Variants in TCF25 observed in about 807,000 individuals in gnomAD.
The protein encoded by TCF25 is ribosome quality control complex subunit TCF25.
Under a neutral mutation model 83.1 loss-of-function variants are expected in TCF25, and 41 were observed. The ratio of observed to expected loss-of-function variants is 0.49; its 90% CI spans 0.38 to 0.64. TCF25 has a LOEUF of 0.64. Ranked by LOEUF, TCF25 falls within the 30% of genes least tolerant of loss-of-function variation. The pLI, the probability that TCF25 is intolerant of heterozygous loss-of-function variation, is 0.00. For missense variants in TCF25, 979 were observed against 914.5 expected, an observed-to-expected ratio of 1.07 and a Z score of -0.91; for synonymous variants, 458 against 365.0, an observed-to-expected ratio of 1.25 and a Z score of -2.90.
In TCF25 at chr16:89,887,674, C is replaced by G; in HGVS notation, c.571C>G (p.Leu191Val). ...CAGACACTTGAATCCAGACACAGAACTGAAAAGGTATTTTGGTGCCCGGGC... is the reference window on the plus strand; with the variant it reads ...CAGACACTTGAATCCAGACACAGAAGTGAAAAGGTATTTTGGTGCCCGGGC... The part of the protein sequence containing the change: ...EHRHLNPDTE[L>V]KRYFGARAIL... Residue 191 changes from leucine (L) to valine (V), a missense_variant, in exon 5 of 18, where the codon CTG becomes GTG. By Grantham distance (32) the Leu-to-Val change is conservative. Transcript: ENST00000263346. 4 of 1,590,550 alleles carry G rather than the reference C, an allele frequency of 2.5e-6. No homozygotes were observed. Among genetic ancestry groups the G allele is most frequent in the Non-Finnish European group, 3.4e-6 (4 of 1,172,980 alleles).
At chr16:89,904,097 G>C (rs1391012944) in intron 12 of TCF25, 21 bp from the exon 13 acceptor site, 8 of 1,596,864 alleles carry the variant, frequency 5.0e-6, no homozygotes, top group Non-Finnish European at 6.0e-6. Context: ...GGCCCCCACA[G>C]AGCCTCCGCT....
intron 9 of TCF25, 128 bp from the exon 10 acceptor site, chr16:89,898,429 G>C (rs543844075): frequency 2.7e-4 from 226 of 834,582 alleles, no homozygotes; most frequent in Admixed American, 5.5e-4. Context: ...AGTGTGTGGG[G>C]TGGAATGGGT....
chr16:89,883,454 G>A lies in TCF25; in HGVS notation c.296G>A (p.Arg99His), dbSNP rs776780031. The A allele has an allele frequency of 5.0e-6, 8 of 1,613,818 alleles. No homozygotes were observed. The highest frequency in any genetic ancestry group is 2.7e-5 in the African/African-American group (2 of 74,894). ...CCAGGGAACAAAGGAAGGGGTCAGC[G>A]TGGAAACACAGAGAGCAAGACGGAT... ...VAPGNKGRGQ[R>H]GNTESKTDGD... The change falls in exon 2 of 18, where the codon CGT (arginine) becomes CAT (histidine). Residue 99 changes from arginine (R) to histidine (H), a missense_variant. Transcript: ENST00000263346.
chr16:89,910,770 A>G, intron 17 of TCF25, 107 bp downstream of exon 17: 2 of 1,306,920 alleles, frequency 1.5e-6, no homozygotes, highest in Admixed American at 1.8e-5. Context: ...CAGCCGGCAC[A>G]GGGAGCAGGG....
intron 1 of TCF25, among the ~76,000 whole-genome samples, 164 bp from the exon 2 acceptor site, chr16:89,883,187 G>T (rs2042735143): frequency 6.6e-6 from 1 of 152,186 alleles, no homozygotes; most frequent in Non-Finnish European, 1.5e-5. Context: ...CTGAGTCACT[G>T]CTGTGTCCAA....
At chr16:89,892,464 T>TGCTCCAGGAGC (rs1324321761) in intron 6 of TCF25, among the ~76,000 whole-genome samples, 189 bp downstream of exon 6, 7 of 152,042 alleles carry the variant, frequency 4.6e-5, no homozygotes, top group South Asian at 4.2e-4. Flanking sequence ...CGAGACTCTT[T>TGCTCCAGGAGC]GCTCCAGGAG....
intron 12 of TCF25, among the ~76,000 whole-genome samples, chr16:89,902,790 G>C (rs572599500): frequency 6.6e-6 from 1 of 152,100 alleles, no homozygotes; most frequent in African/African-American, 2.4e-5. Flanking sequence ...GGGGCGGTGA[G>C]GGGTGAGGGT....
chr16:89,911,300 G>A lies in TCF25; in HGVS notation c.*62G>A. On this transcript the variant is annotated 3_prime_UTR_variant, in exon 18 of 18. Transcript: ENST00000263346. ...GTTCCCGATTTCTCTGTTGGTCGGA[G>A]TCGGCCAGTTGCCTGAAGTAGGGAA... 6.3e-7 allele frequency: 1 copy of A among 1,593,818 alleles called. No individual in the cohort carries two copies. The highest frequency in any genetic ancestry group is 2.3e-5 in the East Asian group (1 of 44,444).
rs772951089 is a variant in TCF25, at chr16:89,906,214, G to A, written c.1649G>A (p.Arg550His). 11 of 1,613,220 alleles carry A rather than the reference G, an allele frequency of 6.8e-6. No homozygotes were observed. Among genetic ancestry groups the A allele is most frequent in the Admixed American group, 3.3e-5 (2 of 59,980 alleles). ...CCTAGGCGGAAGGTGCTCTACCAGC[G>A]TGCACCCAGGAATATCCACCGCCAT... ...CENRRKVLYQRAPRNIHRHVI... is the reference protein window; with the variant it reads ...CENRRKVLYQHAPRNIHRHVI... The change falls in exon 15 of 18, where the codon CGT (arginine) becomes CAT (histidine). Residue 550 changes from arginine (R) to histidine (H), a missense_variant. By Grantham distance (29) the Arg-to-His change is conservative (BLOSUM62 0). Transcript: ENST00000263346.
At chr16:89,911,001 A>C (rs2045507314) in intron 17 of TCF25, 79 bp from the exon 18 acceptor site, 1 of 1,578,188 alleles carries the variant, frequency 6.3e-7, no homozygotes, top group African/African-American at 1.3e-5. Context: ...CTCGGGCTCC[A>C]CAGTGCCTCC....
rs569975602 is a variant in TCF25, at chr16:89,895,204, G to T, written c.928+67G>T. 23 of 1,406,886 alleles carry T rather than the reference G, an allele frequency of 1.6e-5. No homozygotes were observed. The South Asian group carries it at 2.8e-4, about 17-fold the overall frequency. 87.2% of individuals were successfully genotyped at this position (1,406,886 alleles called of 1,614,324 possible). ...CACCTCAAGCTATCAAGACAGATGC[G>T]ATGGTGTAAGATGACAGGGGTTGCC... On this transcript the variant is annotated intron_variant, in intron 8 of 17. Coordinates refer to ENST00000263346, the MANE Select transcript of TCF25 (RefSeq NM_014972.3).
intron 9 of TCF25, among the ~76,000 whole-genome samples, chr16:89,898,327 G>A (rs903270387): frequency 3.3e-5 from 5 of 150,600 alleles, no homozygotes; most frequent in Non-Finnish European, 7.4e-5. Context: ...GGTGCTGACT[G>A]GGGCGCTGAG....
chr16:89,878,434 ATTTTT>A (rs34120033), intron 1 of TCF25: 269 of 1,004,968 alleles, frequency 2.7e-4, no homozygotes, highest in South Asian at 8.7e-4. Flanking sequence ...AAAAATCACC[ATTTTT>A]TTTTTTTTTT....
chr16:89,886,377 G>A (rs999601961), intron 4 of TCF25, among the ~76,000 whole-genome samples: 45 of 152,040 alleles, frequency 3.0e-4, no homozygotes, highest in Non-Finnish European at 2.5e-4. Flanking sequence ...GCAGTGAGTC[G>A]AGATTGTGCC....
chr16:89,906,172 C>T (rs751341211), intron 14 of TCF25, 22 bp from the exon 15 acceptor site: 6 of 1,608,134 alleles, frequency 3.7e-6, no homozygotes, highest in Non-Finnish European at 4.3e-6. Flanking sequence ...ATCTGCTGTG[C>T]CTTGTTTCTC....
intron 1 of TCF25, among the ~76,000 whole-genome samples, chr16:89,877,130 A>G (rs1179283432): frequency 6.6e-6 from 1 of 151,916 alleles, no homozygotes; most frequent in Admixed American, 6.6e-5. Flanking sequence ...ATAAATAAAT[A>G]AATCGTAATA....
intron 1 of TCF25, among the ~76,000 whole-genome samples, chr16:89,882,346 G>C (rs529333671): frequency 1.3e-5 from 2 of 151,990 alleles, no homozygotes; most frequent in Non-Finnish European, 2.9e-5. Flanking sequence ...ACCAGCCTGG[G>C]CAATGTGTTG....
intron 16 of TCF25, chr16:89,909,067 G>A: frequency 1.6e-6 from 2 of 1,289,536 alleles, no homozygotes; most frequent in Non-Finnish European, 2.0e-6. Flanking sequence ...GCGCTTGCGT[G>A]TCGGCCTCTG....
intron 4 of TCF25, among the ~76,000 whole-genome samples, chr16:89,886,897 C>T (rs1053034116): frequency 2.7e-5 from 4 of 150,744 alleles, no homozygotes; most frequent in African/African-American, 4.9e-5. Context: ...AGATCGAGAT[C>T]GCGCCACTGC....
Sources: gnomAD v4.1 joint callset for allele counts (sites outside exome capture counted in the v4.1 genomes callset) on GRCh38, gnomAD v4.1.1 for gene constraint, MANE v1.5 for transcripts, NCBI Gene and HGNC (gene_info 2026-07-23, HGNC 2026-07-21) for gene names.